Variants in SNX29 observed in about 807,000 individuals in gnomAD.
SNX29 encodes sorting nexin 29, also known as sorting nexin-29.
Under a neutral mutation model 102.1 loss-of-function variants are expected in SNX29, and 78 were observed. That is an observed-to-expected ratio of 0.76 (90% CI 0.64 to 0.92). SNX29 has a LOEUF of 0.92. Among genes scored for constraint, SNX29 ranks in the 40% least tolerant of loss-of-function variants. The probability of loss-of-function intolerance (pLI) is 0.00; values close to 1 mark genes in which losing one functional copy is unlikely to be tolerated. For missense variants in SNX29, 1,280 were observed against 1,061.7 expected (o/e 1.21, Z -2.86); for synonymous variants, 580 against 414.5 (o/e 1.40, Z -4.85).
chr16:12,006,071 G>A (rs1340329798), intron 3 of SNX29, among the ~76,000 whole-genome samples: 1 of 152,066 alleles, frequency 6.6e-6, no homozygotes, highest in African/African-American at 2.4e-5. Context: ...AGGCGCTGTG[G>A]CTCATGTCTG....
In SNX29 at chr16:12,572,685, C is replaced by T. The variant is rs151085158; in HGVS notation, c.*4056C>T. 146 of 1,063,840 alleles carry T rather than the reference C, an allele frequency of 1.4e-4. 1 individual carries two copies. In the African/African-American group the frequency reaches 2.1e-3, roughly 16 times the overall value. 65.9% of individuals were successfully genotyped at this position (1,063,840 alleles called of 1,614,324 possible). A position where few individuals can be genotyped will look rare whatever the true frequency, so the allele number is the denominator to read the frequency against. On this transcript the variant is annotated 3_prime_UTR_variant, in exon 21 of 21. Coordinates refer to ENST00000566228, the MANE Select transcript of SNX29 (RefSeq NM_032167.5). ...GCTGCAGCACCCACACGGGGGAAGC[C>T]CTGCACTCCAGCAGCATCTTCCAGC...
chr16:12,413,591 A>G (rs905631576), intron 18 of SNX29, among the ~76,000 whole-genome samples: 6 of 144,634 alleles, frequency 4.1e-5, no homozygotes, highest in Middle Eastern at 3.6e-3. Flanking sequence ...CCTCGAGACA[A>G]TGGCACCTCG....
chr16:11,986,650 C>T (rs948124704), intron 1 of SNX29, among the ~76,000 whole-genome samples: 4 of 152,100 alleles, frequency 2.6e-5, no homozygotes, highest in Non-Finnish European at 4.4e-5. Flanking sequence ...ATTGATGTAC[C>T]GCAGCTATTT....
intron 13 of SNX29, among the ~76,000 whole-genome samples, chr16:12,159,459 C>T (rs1288167857): frequency 6.6e-6 from 1 of 152,230 alleles, no homozygotes; most frequent in Non-Finnish European, 1.5e-5. Context: ...GCGTTTCTCC[C>T]TAAAGCTTTT....
intron 11 of SNX29, chr16:12,089,919 T>G: frequency 3.4e-6 from 1 of 292,828 alleles, no homozygotes; most frequent in South Asian, 2.8e-5. Flanking sequence ...TAGGGAGTCC[T>G]GAGTTGACTT....
At chr16:12,538,378 C>T (rs11862768) in intron 20 of SNX29, among the ~76,000 whole-genome samples, 1 of 152,210 alleles carries the variant, frequency 6.6e-6, no homozygotes, top group African/African-American at 2.4e-5. Context: ...GCGTGAGCCA[C>T]CGCGCCCGGC....
chr16:12,435,418 C>T (rs1215927558), intron 18 of SNX29, among the ~76,000 whole-genome samples: 1 of 152,184 alleles, frequency 6.6e-6, no homozygotes, highest in Non-Finnish European at 1.5e-5. Flanking sequence ...TTGAAGGGAG[C>T]AGCTCCTCCT....
chr16:12,043,465 C>G (rs984424829), intron 5 of SNX29, among the ~76,000 whole-genome samples: 8 of 151,920 alleles, frequency 5.3e-5, no homozygotes, highest in Non-Finnish European at 8.8e-5. Context: ...AGCAATCCTC[C>G]CACCTTAGCC....
intron 19 of SNX29, among the ~76,000 whole-genome samples, chr16:12,493,038 C>G (rs993105888): frequency 6.6e-6 from 1 of 152,092 alleles, no homozygotes; most frequent in East Asian, 1.9e-4. Flanking sequence ...TCCATATGAA[C>G]TTTAAAGTAG....
At chr16:12,541,674 C>G (rs972251031) in intron 20 of SNX29, among the ~76,000 whole-genome samples, 21 of 152,292 alleles carry the variant, frequency 1.4e-4, no homozygotes, top group Non-Finnish European at 2.8e-4. Flanking sequence ...CGTGCTGACA[C>G]CCGTTTACCA....
chr16:12,225,365 G>T (rs1001771006), intron 14 of SNX29, among the ~76,000 whole-genome samples: 2 of 152,120 alleles, frequency 1.3e-5, no homozygotes, highest in African/African-American at 4.8e-5. Context: ...GGAGGATCCC[G>T]GTGGGAGGTA....
chr16:12,301,585 T>C (rs114853863), intron 15 of SNX29, among the ~76,000 whole-genome samples: 1,668 of 152,356 alleles, frequency 0.011, 43 homozygotes, highest in African/African-American at 0.037. Context: ...ATTTTCCTGA[T>C]TGAAATATCA....
Position 12,568,859 on chromosome 16 carries a change from C to T in SNX29, c.*230C>T, listed in dbSNP as rs1010813034. 1.6e-6 allele frequency: 1 copy of T among 628,168 alleles called. No individual in the cohort carries two copies. Among genetic ancestry groups the T allele is most frequent in the Non-Finnish European group, 2.6e-6 (1 of 377,688 alleles). 38.9% of individuals were successfully genotyped at this position (628,168 alleles called of 1,614,324 possible). ...GCACCTCGCTGGAGAGACTGGGACACACAGTCCTTCTGCTTCTGGGGTCTA... is the reference window on the plus strand; with the variant it reads ...GCACCTCGCTGGAGAGACTGGGACATACAGTCCTTCTGCTTCTGGGGTCTA... On this transcript the variant is annotated 3_prime_UTR_variant, in exon 21 of 21. Transcript: ENST00000566228.
chr16:12,484,885 C>G (rs2088150256), intron 19 of SNX29, among the ~76,000 whole-genome samples: 1 of 152,226 alleles, frequency 6.6e-6, no homozygotes, highest in African/African-American at 2.4e-5. Context: ...TGATCTGTCT[C>G]TCTGCACCAG....
At chr16:12,030,337 C>T (rs1342312661) in intron 4 of SNX29, among the ~76,000 whole-genome samples, 2 of 152,212 alleles carry the variant, frequency 1.3e-5, no homozygotes, top group Admixed American at 6.5e-5. Context: ...ATTTGGCGTA[C>T]AGCACGGGCT....
intron 11 of SNX29, among the ~76,000 whole-genome samples, chr16:12,084,167 C>A (rs961782797): frequency 1.3e-5 from 2 of 148,824 alleles, no homozygotes; most frequent in South Asian, 4.3e-4. Flanking sequence ...TTTTTTGAGA[C>A]GGAGTGTTGC....
At chr16:12,380,241 A>G (rs1359030363) in intron 16 of SNX29, among the ~76,000 whole-genome samples, 1 of 151,734 alleles carries the variant, frequency 6.6e-6, no homozygotes, top group Non-Finnish European at 1.5e-5. Flanking sequence ...AGGCTTAGAC[A>G]ATCTGAGGTT....
chr16:12,248,410 T>G (rs2078324196), intron 14 of SNX29, among the ~76,000 whole-genome samples: 1 of 151,836 alleles, frequency 6.6e-6, no homozygotes, highest in African/African-American at 2.4e-5. Flanking sequence ...TTTTTTTTCT[T>G]TTTTTGAGAC....
At chr16:12,103,067 TGGAAAAAC>T (rs2053087555) in intron 11 of SNX29, among the ~76,000 whole-genome samples, 1 of 152,156 alleles carries the variant, frequency 6.6e-6, no homozygotes, top group Admixed American at 6.5e-5. Context: ...TACAAACAAA[TGGAAAAAC>T]ATTCCATGCT....
Sources: gnomAD v4.1 joint callset for allele counts (sites outside exome capture counted in the v4.1 genomes callset) on GRCh38, gnomAD v4.1.1 for gene constraint, MANE v1.5 for transcripts, NCBI Gene and HGNC (gene_info 2026-07-23, HGNC 2026-07-21) for gene names.